Variants in EDA observed in about 807,000 individuals in gnomAD.
The protein encoded by EDA is ectodysplasin-A.
In EDA, 2 loss-of-function variants were observed where a neutral mutation model predicts 23.6. That is an observed-to-expected ratio of 0.08 (90% CI 0.03 to 0.27). EDA has a LOEUF of 0.27. Ranked by LOEUF, EDA falls within the 10% of genes least tolerant of loss-of-function variation. The pLI, the probability that EDA is intolerant of heterozygous loss-of-function variation, is 1.00. For synonymous variants in EDA, 131 were observed against 132.0 expected (o/e 0.99, Z 0.05); for missense variants, 229 against 324.2 (o/e 0.71, Z 2.26).
intron 1 of EDA, among the ~76,000 whole-genome samples, chrX:69,837,266 G>A (rs189961919): frequency 2.2e-3 from 246 of 111,854 alleles, no homozygotes; most frequent in Non-Finnish European, 3.8e-3. Flanking sequence ...GTGGCTTAGT[G>A]CAATTCTCCC....
At chrX:69,876,339 A>AT (rs1436785781) in intron 1 of EDA, among the ~76,000 whole-genome samples, 20 of 110,744 alleles carry the variant, frequency 1.8e-4, no homozygotes, top group African/African-American at 6.6e-4. Context: ...TGCTCAGGTG[A>AT]TGAGTGCACA....
rs192324898 is a variant in EDA at position 69,876,648 on chromosome X, T to C, written c.397-80379T>C. ...ACTACTTGTCTGTTTCCTTTCCCTA[T>C]AGTTTTGCCTTTTCTAGAACATCCT... On this transcript the variant is annotated intron_variant, in intron 1 of 7. Coordinates refer to ENST00000374552, the MANE Select transcript of EDA (RefSeq NM_001399.5). 5.4e-5 allele frequency among the ~76,000 whole-genome samples: 6 copies of C among 111,510 alleles called. No individual in the cohort carries two copies. The Admixed American group carries it at 5.7e-4, about 11-fold the overall frequency.
chrX:69,906,549 C>T (rs941907041), intron 1 of EDA, among the ~76,000 whole-genome samples: 10 of 112,295 alleles, frequency 8.9e-5, no homozygotes, highest in Admixed American at 6.6e-4. Flanking sequence ...ATCTGCCATT[C>T]GAATTGGATT....
At chrX:69,699,608 A>T (rs757639888) in intron 1 of EDA, among the ~76,000 whole-genome samples, 1 of 111,639 alleles carries the variant, frequency 9.0e-6, no homozygotes, top group Non-Finnish European at 1.9e-5. Context: ...CAGGCAGGTC[A>T]TCCGAGAACT....
At chrX:69,631,063 A>G (rs1932558170) in intron 1 of EDA, among the ~76,000 whole-genome samples, 1 of 111,847 alleles carries the variant, frequency 8.9e-6, no homozygotes, top group African/African-American at 3.3e-5. Flanking sequence ...AAACACTAAC[A>G]ATTTATCATT....
At chrX:69,820,732 A>G (rs2016199584) in intron 1 of EDA, among the ~76,000 whole-genome samples, 1 of 112,077 alleles carries the variant, frequency 8.9e-6, no homozygotes, top group Non-Finnish European at 1.9e-5. Context: ...AAAAGTCAGA[A>G]ATAACAGATG....
At chrX:69,900,273 G>A (rs2018078534) in intron 1 of EDA, among the ~76,000 whole-genome samples, 2 of 107,992 alleles carry the variant, frequency 1.9e-5, no homozygotes, top group Admixed American at 2.0e-4. Flanking sequence ...GTGTGACCTT[G>A]GACAAATTAC....
At chrX:69,888,248 TTCTG>T (rs1164264477) in intron 1 of EDA, among the ~76,000 whole-genome samples, 3 of 111,065 alleles carry the variant, frequency 2.7e-5, no homozygotes, top group Non-Finnish European at 3.8e-5. Context: ...ATATAAGATG[TTCTG>T]TCTAAGTCTT....
chrX:69,623,556 C>T (rs776285616), intron 1 of EDA, among the ~76,000 whole-genome samples: 122 of 111,598 alleles, frequency 1.1e-3, no homozygotes, highest in African/African-American at 3.6e-3. Flanking sequence ...CAGACCATAG[C>T]AAACCTATTT....
chrX:69,686,971 T>C (rs779539020), intron 1 of EDA, among the ~76,000 whole-genome samples: 99 of 112,031 alleles, frequency 8.8e-4, no homozygotes, highest in African/African-American at 3.2e-3. Context: ...ATATGGTAAC[T>C]CTCTGTTGAA....
chrX:69,830,960 C>A (rs1256668835), intron 1 of EDA, among the ~76,000 whole-genome samples: 1 of 111,418 alleles, frequency 9.0e-6, no homozygotes, highest in East Asian at 2.8e-4. Flanking sequence ...CTATGTTTCT[C>A]CCTTATATCC....
intron 1 of EDA, among the ~76,000 whole-genome samples, chrX:69,661,924 C>G (rs902944272): frequency 5.4e-5 from 6 of 111,926 alleles, no homozygotes; most frequent in Non-Finnish European, 9.4e-5. Context: ...GTGAAACAAA[C>G]TAATGTATCC....
At chrX:69,804,199 A>G (rs764264996) in intron 1 of EDA, among the ~76,000 whole-genome samples, 6 of 111,158 alleles carry the variant, frequency 5.4e-5, no homozygotes, top group Admixed American at 1.9e-4. Context: ...GCTAGATCAT[A>G]TGGTAGTTCT....
chrX:69,818,970 A>G (rs2016147268), intron 1 of EDA, among the ~76,000 whole-genome samples: 1 of 112,139 alleles, frequency 8.9e-6, no homozygotes, highest in Admixed American at 9.5e-5. Flanking sequence ...AAAATCCTCA[A>G]TAAAATACTG....
chrX:69,714,800 A>T (rs1277405910), intron 1 of EDA, among the ~76,000 whole-genome samples: 1 of 111,210 alleles, frequency 9.0e-6, no homozygotes, highest in Non-Finnish European at 1.9e-5. Flanking sequence ...TATATATGTT[A>T]AGTGTTAATA....
intron 2 of EDA, among the ~76,000 whole-genome samples, chrX:69,961,830 C>A (rs2019107109): frequency 8.9e-6 from 1 of 112,190 alleles, no homozygotes; most frequent in Non-Finnish European, 1.9e-5. Context: ...AAGTATGATA[C>A]CTTCACTGTG....
chrX:69,755,658 A>T (rs1221757178), intron 1 of EDA, among the ~76,000 whole-genome samples: 2 of 112,629 alleles, frequency 1.8e-5, no homozygotes, highest in African/African-American at 6.5e-5. Flanking sequence ...CCCTACCCCC[A>T]GAGGTGGAGT....
At chrX:70,022,989 G>A (rs2020057413) in intron 2 of EDA, 3 of 289,154 alleles carry the variant, frequency 1.0e-5, no homozygotes, top group South Asian at 1.9e-4. Context: ...GAAGTAGAGA[G>A]ATTTTTCTCC....
rs755490781 is a variant in EDA, at chrX:69,774,374, C to T, written c.396+157670C>T. 6.3e-5 allele frequency among the ~76,000 whole-genome samples: 7 copies of T among 111,455 alleles called. No homozygotes were observed. In the East Asian group the frequency reaches 2.0e-3, roughly 31 times the overall value. On this transcript the variant is annotated intron_variant, in intron 1 of 7. Coordinates refer to ENST00000374552, the MANE Select transcript of EDA (RefSeq NM_001399.5). Reference sequence around the variant, plus strand: ...TCTTGGTCTTCTTAGCCTCTTAGCTCTGTCTCAACTCAGAAAGTCTGCTAA... The same window carrying T: ...TCTTGGTCTTCTTAGCCTCTTAGCTTTGTCTCAACTCAGAAAGTCTGCTAA...
Sources: gnomAD v4.1 joint callset for allele counts (sites outside exome capture counted in the v4.1 genomes callset) on GRCh38, gnomAD v4.1.1 for gene constraint, MANE v1.5 for transcripts, NCBI Gene and HGNC (gene_info 2026-07-23, HGNC 2026-07-21) for gene names.